ETS1: variants seen among roughly 807,000 people sequenced by gnomAD.
ETS1 encodes the protein protein C-ets-1.
A neutral mutation model predicts 58.6 loss-of-function variants in ETS1; 15 were observed. That is an observed-to-expected ratio of 0.26 (90% CI 0.17 to 0.39). The LOEUF is 0.39. Among genes scored for constraint, ETS1 ranks in the 10% least tolerant of loss-of-function variants. The pLI is 1.00. For missense variants in ETS1, 417 were observed against 610.5 expected (o/e 0.68, Z 3.34); for synonymous variants, 214 against 218.2 (o/e 0.98, Z 0.17).
intron 3 of ETS1, among the ~76,000 whole-genome samples, chr11:128,519,835 A>G (rs1244614046): frequency 6.6e-6 from 1 of 152,132 alleles, no homozygotes; most frequent in Non-Finnish European, 1.5e-5. Flanking sequence ...GTATGGGCAT[A>G]ATGTTCGCAT....
chr11:128,510,389 T>C (rs1428790573), intron 3 of ETS1, among the ~76,000 whole-genome samples: 2 of 152,198 alleles, frequency 1.3e-5, no homozygotes, highest in African/African-American at 4.8e-5. Flanking sequence ...AAGCCAGACT[T>C]GGGTATCCTG....
At chr11:128,559,039 C>G (rs1351600217) in intron 2 of ETS1, among the ~76,000 whole-genome samples, 1 of 152,172 alleles carries the variant, frequency 6.6e-6, no homozygotes, top group Admixed American at 6.5e-5. Context: ...CCACATCTGT[C>G]TTCTTTTGGG....
chr11:128,500,422 A>G (rs1395722727), intron 3 of ETS1, among the ~76,000 whole-genome samples: 1 of 152,102 alleles, frequency 6.6e-6, no homozygotes, highest in Non-Finnish European at 1.5e-5. Context: ...TACATTTTTA[A>G]ACCAAAAAAG....
intron 8 of ETS1, among the ~76,000 whole-genome samples, chr11:128,478,715 T>C (rs775209867): frequency 2.6e-5 from 4 of 152,206 alleles, no homozygotes; most frequent in Non-Finnish European, 5.9e-5. Flanking sequence ...GCAGTCTAGT[T>C]CTTTAACCCC....
intron 8 of ETS1, among the ~76,000 whole-genome samples, chr11:128,476,958 A>G (rs915340019): frequency 6.6e-6 from 1 of 152,272 alleles, no homozygotes; most frequent in South Asian, 2.1e-4. Flanking sequence ...ATGGGAGCCC[A>G]GTGAAGGTTG....
chr11:128,502,542 C>A (rs982164643), intron 3 of ETS1, among the ~76,000 whole-genome samples: 1 of 152,210 alleles, frequency 6.6e-6, no homozygotes, highest in Non-Finnish European at 1.5e-5. Flanking sequence ...GTTCCCTCCT[C>A]ATTTCTTTGG....
intron 3 of ETS1, chr11:128,526,367 G>T (rs1301060947): frequency 6.5e-6 from 1 of 153,808 alleles, no homozygotes; most frequent in African/African-American, 2.4e-5. Flanking sequence ...TTCAACTAGG[G>T]ATAATAGCAG....
At chr11:128,497,292 A>G (rs2135474276) in intron 3 of ETS1, among the ~76,000 whole-genome samples, 1 of 152,316 alleles carries the variant, frequency 6.6e-6, no homozygotes, top group South Asian at 2.1e-4. Context: ...TTTGGGTACA[A>G]TGTGCCAACT....
rs184620380 is a variant in ETS1, at chr11:128,465,115, G to A, written c.1124-1488C>T. Among the ~76,000 whole-genome samples, 168 of 152,282 alleles carry A rather than the reference G, an allele frequency of 1.1e-3. 1 individual carries two copies. Among genetic ancestry groups the A allele is most frequent in the Middle Eastern group, 3.4e-3 (1 of 294 alleles). On this transcript the variant is annotated intron_variant, in intron 8 of 9. Coordinates refer to ENST00000392668, the MANE Select transcript of ETS1 (RefSeq NM_001143820.2). Reference sequence around the variant, plus strand: ...ACGAGCTATCATCCCACAGCCAAAGGAAGTCCTCCTCCAGTAACAACTTCC... The same window carrying A: ...ACGAGCTATCATCCCACAGCCAAAGAAAGTCCTCCTCCAGTAACAACTTCC...
chr11:128,474,555 A>G (rs1862271119), intron 8 of ETS1, among the ~76,000 whole-genome samples: 1 of 152,124 alleles, frequency 6.6e-6, no homozygotes, highest in Non-Finnish European at 1.5e-5. Context: ...AACCAGTTCA[A>G]ATCTTCCCGG....
At chr11:128,474,452 C>A (rs1328596885) in intron 8 of ETS1, among the ~76,000 whole-genome samples, 1 of 152,114 alleles carries the variant, frequency 6.6e-6, no homozygotes, top group South Asian at 2.1e-4. Flanking sequence ...CTACTGGTAG[C>A]AGATGATTAA....
intron 3 of ETS1, among the ~76,000 whole-genome samples, chr11:128,505,676 G>A (rs1235349127): frequency 6.6e-6 from 1 of 152,172 alleles, no homozygotes; most frequent in Non-Finnish European, 1.5e-5. Context: ...ATCAATGGGC[G>A]AGACCAACCA....
intron 3 of ETS1, among the ~76,000 whole-genome samples, chr11:128,554,813 T>C (rs903777469): frequency 6.6e-6 from 1 of 152,136 alleles, no homozygotes; most frequent in Non-Finnish European, 1.5e-5. Context: ...TCAAGAATTA[T>C]ACAAATATAA....
In ETS1 at chr11:128,585,061, A is replaced by G. The variant is rs1565421287; in HGVS notation, c.-15+2427T>C. 9.4e-3 allele frequency among the ~76,000 whole-genome samples: 250 copies of G among 26,694 alleles called. 50 individuals carry two copies. The highest frequency in any genetic ancestry group is 0.012 in the African/African-American group (32 of 2,650). The allele number at this position is 26,694 out of a possible 152,430, so 17.5% of individuals were successfully genotyped here. A position where few individuals can be genotyped will look rare whatever the true frequency, so the allele number is the denominator to read the frequency against. ...GAAAGAAAGAAAGAAAGAAAGAAAG[A>G]AAGAAAGAAAGAAAGAGAAAGAAAG... On this transcript the variant is annotated intron_variant, in intron 1 of 9. Transcript: ENST00000392668.
intron 3 of ETS1, among the ~76,000 whole-genome samples, chr11:128,524,993 T>C (rs1242773081): frequency 6.6e-6 from 1 of 151,330 alleles, no homozygotes; most frequent in Non-Finnish European, 1.5e-5. Flanking sequence ...TTGGGCAAGA[T>C]ACTTCAATAC....
At chr11:128,506,769 A>C (rs937057992) in intron 3 of ETS1, among the ~76,000 whole-genome samples, 9 of 152,138 alleles carry the variant, frequency 5.9e-5, no homozygotes, top group African/African-American at 2.2e-4. Context: ...GGCACGGGCC[A>C]TTTCCAGAGG....
In ETS1 at chr11:128,484,862, C is replaced by T. The variant is rs137970618; in HGVS notation, c.823G>A (p.Val275Ile). The T allele has an allele frequency of 1.9e-5, 31 of 1,613,882 alleles. No individual in the cohort carries two copies. Among genetic ancestry groups the T allele is most frequent in the African/African-American group, 6.7e-5 (5 of 74,888 alleles). The part of the protein sequence containing the change: ...NDYFAIKQEV[V>I]TPDNMCMGRT... ...CCCATGCACATGTTGTCTGGGGTGA[C>T]GACTTCTTGTTTGATAGCAAAGTAG... is the stretch of plus-strand genomic sequence containing the variant. The change falls in exon 7 of 10, where the codon GTC (valine) becomes ATC (isoleucine). Residue 275 changes from valine (V) to isoleucine (I), a missense_variant. Physicochemically the swap from Val to Ile is conservative, Grantham distance 29. This residue lies in a region of ETS1 where 139 missense variants were observed against 152.1 expected (regional missense o/e 0.91). Transcript: ENST00000392668.
At chr11:128,541,069 G>A (rs540316187) in intron 3 of ETS1, among the ~76,000 whole-genome samples, 4 of 152,252 alleles carry the variant, frequency 2.6e-5, no homozygotes, top group East Asian at 3.9e-4. Context: ...TCAGTTTCAC[G>A]TGACTGGGAG....
chr11:128,499,095 G>GC (rs1863018528), intron 3 of ETS1, among the ~76,000 whole-genome samples: 1 of 152,154 alleles, frequency 6.6e-6, no homozygotes, highest in Non-Finnish European at 1.5e-5. Flanking sequence ...GAAAACTCCT[G>GC]CCCTGCCTTC....
Sources: gnomAD v4.1 joint callset for allele counts (sites outside exome capture counted in the v4.1 genomes callset) on GRCh38, gnomAD v4.1.1 for gene constraint, gnomAD v4.1.1 regional missense constraint, MANE v1.5 for transcripts, NCBI Gene and HGNC (gene_info 2026-07-23, HGNC 2026-07-21) for gene names.